The following OCLN variants were observed in gnomAD, a reference collection of about 807,000 sequenced individuals.
The protein encoded by OCLN is phosphatase 1, regulatory subunit 115.
OCLN carries 21 observed loss-of-function variants against 47.9 expected under a neutral mutation model. The ratio of observed to expected loss-of-function variants is 0.44; its 90% CI spans 0.31 to 0.63. OCLN has a LOEUF of 0.63. Ranked by LOEUF, OCLN falls within the 30% of genes least tolerant of loss-of-function variation. The probability of loss-of-function intolerance (pLI) is 0.08; values close to 1 mark genes in which losing one functional copy is unlikely to be tolerated. For synonymous variants in OCLN, 117 were observed against 198.4 expected (o/e 0.59, Z 3.45); for missense variants, 360 against 571.0 (o/e 0.63, Z 3.77).
At chr5:69,504,089 G>A in intron 1 of OCLN, 88 bp from the exon 2 acceptor site, 2 of 676,904 alleles carry the variant, frequency 3.0e-6, no homozygotes, top group South Asian at 3.3e-5. Context: ...GACAGGGTGA[G>A]ACCCTGTCTC....
At chr5:69,521,527 C>T (rs933415524) in intron 4 of OCLN, among the ~76,000 whole-genome samples, 5 of 152,070 alleles carry the variant, frequency 3.3e-5, no homozygotes, top group Admixed American at 6.6e-5. Context: ...CCCAGCTACT[C>T]GGGAGGATGA....
At chr5:69,524,018 G>A (rs1424799941) in intron 4 of OCLN, among the ~76,000 whole-genome samples, 12 of 152,020 alleles carry the variant, frequency 7.9e-5, no homozygotes, top group Non-Finnish European at 2.9e-5. Flanking sequence ...GCCTGGTGGC[G>A]CATGCCTGTA....
chr5:69,533,039 G>A (rs144351542), intron 4 of OCLN, among the ~76,000 whole-genome samples: 125,925 of 145,312 alleles, frequency 0.87, 54,655 homozygotes, highest in African/African-American at 0.9. Flanking sequence ...ACACACACAT[G>A]TATATATACA....
intron 1 of OCLN, 143 bp from the exon 2 acceptor site, chr5:69,504,034 A>T: frequency 1.6e-6 from 1 of 606,998 alleles, no homozygotes; most frequent in East Asian, 2.9e-5. Context: ...TGGTAGATCA[A>T]GGCTGCAGTG....
chr5:69,553,747 G>T lies in OCLN; in HGVS notation c.*76G>T, dbSNP rs540677741. On this transcript the variant is annotated 3_prime_UTR_variant, in exon 9 of 9. Transcript: ENST00000396442. ...TCTTCTCAGAAGGCAAATGACTTTG[G>T]ACCATAACCCCGGAAGCCAAACCTC... 6.3e-7 allele frequency: 1 copy of T among 1,594,646 alleles called. No homozygotes were observed. The highest frequency in any genetic ancestry group is 1.1e-5 in the South Asian group (1 of 89,920).
rs989687435 is a variant in OCLN, at chr5:69,512,040, A to G, written c.730-1908A>G. 6.5e-4 allele frequency among the ~76,000 whole-genome samples: 99 copies of G among 152,060 alleles called. 1 individual carries two copies. The highest frequency in any genetic ancestry group is 2.3e-3 in the African/African-American group (97 of 41,504). Reference sequence around the variant, plus strand: ...CTCTGTCTCAAAAAAAAAAAAAAAAAAAAAATTTTTAGTTTTGATGATGTC... The same window carrying G: ...CTCTGTCTCAAAAAAAAAAAAAAAAGAAAAATTTTTAGTTTTGATGATGTC... On this transcript the variant is annotated intron_variant, in intron 3 of 8. Transcript: ENST00000396442.
At chr5:69,521,149 A>G (rs1165704344) in intron 4 of OCLN, among the ~76,000 whole-genome samples, 1 of 152,204 alleles carries the variant, frequency 6.6e-6, no homozygotes, top group East Asian at 1.9e-4. Flanking sequence ...TTTATTTTAA[A>G]CCCAAAAATT....
chr5:69,537,260 T>G (rs1769616068), intron 5 of OCLN, among the ~76,000 whole-genome samples: 1 of 59,068 alleles, frequency 1.7e-5, no homozygotes, highest in African/African-American at 5.3e-5. Context: ...TGCAGTGGTG[T>G]GGTCACAGCT....
chr5:69,496,291 G>A (rs1478516829), intron 1 of OCLN, among the ~76,000 whole-genome samples: 1 of 151,874 alleles, frequency 6.6e-6, no homozygotes, highest in Non-Finnish European at 1.5e-5. Flanking sequence ...ATAGAGGCGG[G>A]GTTTCACTGT....
intron 3 of OCLN, among the ~76,000 whole-genome samples, chr5:69,512,791 C>T (rs759043499): frequency 1.3e-5 from 2 of 152,144 alleles, no homozygotes; most frequent in Non-Finnish European, 2.9e-5. Flanking sequence ...TTCAAATGTG[C>T]AGGTTGGAGT....
chr5:69,528,659 C>T (rs1769346761), intron 4 of OCLN, among the ~76,000 whole-genome samples: 1 of 152,176 alleles, frequency 6.6e-6, no homozygotes, highest in Non-Finnish European at 1.5e-5. Flanking sequence ...CAAATCTCCC[C>T]TCTGCTACTT....
intron 4 of OCLN, among the ~76,000 whole-genome samples, chr5:69,515,356 C>T (rs1387411301): frequency 1.4e-5 from 2 of 141,040 alleles, no homozygotes; most frequent in Admixed American, 6.9e-5. Context: ...TAGGGGCGGC[C>T]GGGCAGAGGG....
intron 7 of OCLN, among the ~76,000 whole-genome samples, chr5:69,550,188 ATTTT>A (rs796132410): frequency 1.7e-5 from 1 of 58,922 alleles, no homozygotes; most frequent in Non-Finnish European, 3.8e-5. Context: ...TACTTATCTA[ATTTT>A]TTTTTTTTTT....
chr5:69,493,346 T>G lies in OCLN; in HGVS notation c.-69+446T>G, dbSNP rs887603376. Among the ~76,000 whole-genome samples the G allele has an allele frequency of 1.3e-5, 2 of 151,862 alleles. No homozygotes were observed. The highest frequency in any genetic ancestry group is 4.8e-5 in the African/African-American group (2 of 41,344). On this transcript the variant is annotated intron_variant, in intron 1 of 8. Coordinates refer to ENST00000396442, the MANE Select transcript of OCLN (RefSeq NM_001205254.2). This position sits in a 1 kb window ranked among gnomAD's most constrained non-coding sequence, Gnocchi z 5.3. ...CCTGAGGCTGCAGCGAGGCGGCTGT[T>G]CGGCGGCCCGGGCGGCTTAGATCCC...
At chr5:69,516,367 C>A (rs986335231) in intron 4 of OCLN, among the ~76,000 whole-genome samples, 1 of 152,196 alleles carries the variant, frequency 6.6e-6, no homozygotes, top group Non-Finnish European at 1.5e-5. Context: ...CGTGGTGGCG[C>A]GCGCCTGCAA....
chr5:69,521,213 T>C (rs2112020948), intron 4 of OCLN, among the ~76,000 whole-genome samples: 1 of 152,372 alleles, frequency 6.6e-6, no homozygotes, highest in South Asian at 2.1e-4. Flanking sequence ...GTATGCAGTT[T>C]GCTTTTTTAA....
At chr5:69,547,514 T>C (rs1440853764) in intron 6 of OCLN, among the ~76,000 whole-genome samples, 1 of 120,176 alleles carries the variant, frequency 8.3e-6, no homozygotes, top group African/African-American at 3.5e-5. Flanking sequence ...GAGGTTGCAG[T>C]GAGCCGAGAT....
At chr5:69,503,446 C>T (rs937246817) in intron 1 of OCLN, among the ~76,000 whole-genome samples, 2 of 152,202 alleles carry the variant, frequency 1.3e-5, no homozygotes, top group Non-Finnish European at 2.9e-5. Flanking sequence ...GCTCCCACTT[C>T]ACTGTTCCAT....
chr5:69,508,481 C>A (rs964221133), intron 2 of OCLN, among the ~76,000 whole-genome samples: 6 of 152,146 alleles, frequency 3.9e-5, no homozygotes, highest in Non-Finnish European at 5.9e-5. Flanking sequence ...GCTGGGATTA[C>A]AGGCGCATGC....
Sources: allele counts gnomAD v4.1 joint callset (sites outside exome capture counted in the v4.1 genomes callset), GRCh38; gene constraint gnomAD v4.1.1; non-coding constraint Gnocchi (gnomAD v3.1); transcripts MANE v1.5; gene names NCBI Gene and HGNC (gene_info 2026-07-23, HGNC 2026-07-21).